Variants in ARMC9 observed in about 807,000 individuals in gnomAD.
ARMC9 encodes lisH domain-containing protein ARMC9.
In ARMC9, 94 loss-of-function variants were observed where a neutral mutation model predicts 107.0. The observed-to-expected ratio is 0.88, with a 90% CI of 0.74 to 1.04. The LOEUF is 1.04. Among genes scored for constraint, ARMC9 ranks in the 50% least tolerant of loss-of-function variants. ARMC9 has a pLI of 0.00. For synonymous variants in ARMC9, 380 were observed against 396.9 expected (o/e 0.96, Z 0.51); for missense variants, 942 against 1,030.1 (o/e 0.91, Z 1.17).
intron 19 of ARMC9, among the ~76,000 whole-genome samples, chr2:231,306,594 T>A (rs1048597494): frequency 2.6e-5 from 4 of 151,974 alleles, no homozygotes; most frequent in Non-Finnish European, 5.9e-5. Context: ...CAAAGTGCAA[T>A]CAGAACTAGC....
chr2:231,300,971 C>T (rs961367346), intron 19 of ARMC9, among the ~76,000 whole-genome samples: 3 of 151,888 alleles, frequency 2.0e-5, no homozygotes, highest in African/African-American at 7.3e-5. Flanking sequence ...TTATCCTTTG[C>T]CTCTCCACTG....
chr2:231,319,220 G>C lies in ARMC9; in HGVS notation c.1774-12573G>C, dbSNP rs1374765770. Among the ~76,000 whole-genome samples the C allele has an allele frequency of 7.9e-5, 12 of 152,140 alleles. No homozygotes were observed. In the East Asian group the frequency reaches 2.3e-3, roughly 29 times the overall value. On this transcript the variant is annotated intron_variant, in intron 19 of 24. Transcript: ENST00000611582. Reference sequence around the variant, plus strand: ...GTGAGGTCAGTAAGTCACTGACTGGGCTGGGCTATTCCTGGGACTTGAACT... The same window carrying C: ...GTGAGGTCAGTAAGTCACTGACTGGCCTGGGCTATTCCTGGGACTTGAACT...
chr2:231,330,850 G>A (rs1481587388), intron 19 of ARMC9, among the ~76,000 whole-genome samples: 8 of 152,050 alleles, frequency 5.3e-5, no homozygotes. Flanking sequence ...AGCAGGCTTT[G>A]GGGGGCTTTT....
intron 19 of ARMC9, among the ~76,000 whole-genome samples, chr2:231,307,796 T>G (rs1473248527): frequency 6.6e-6 from 1 of 152,250 alleles, no homozygotes. Context: ...GCTCCCCTTG[T>G]TATTCAGCCC....
At chr2:231,201,288 A>G (rs1212304595) in intron 1 of ARMC9, among the ~76,000 whole-genome samples, 2 of 152,202 alleles carry the variant, frequency 1.3e-5, no homozygotes, top group African/African-American at 4.8e-5. Flanking sequence ...TTTGAAGCAC[A>G]TGGCAGATGC....
chr2:231,253,615 G>T (rs797011864), intron 9 of ARMC9, among the ~76,000 whole-genome samples: 15 of 152,280 alleles, frequency 9.9e-5, no homozygotes, highest in African/African-American at 3.6e-4. Context: ...AGGCATGTCC[G>T]CTGGGGACCT....
At chr2:231,353,632 C>T (rs1483196131) in intron 21 of ARMC9, among the ~76,000 whole-genome samples, 1 of 151,436 alleles carries the variant, frequency 6.6e-6, no homozygotes, top group Non-Finnish European at 1.5e-5. Flanking sequence ...AGCAGGTTTG[C>T]ACACTCCTCC....
chr2:231,270,442 G>A (rs751038790), intron 12 of ARMC9: 11 of 359,374 alleles, frequency 3.1e-5, no homozygotes, highest in African/African-American at 8.6e-5. Context: ...GCTTTGAGGA[G>A]TGAGTAATGG....
At chr2:231,252,971 A>G (rs2037440289) in intron 9 of ARMC9, among the ~76,000 whole-genome samples, 1 of 151,834 alleles carries the variant, frequency 6.6e-6, no homozygotes, top group Non-Finnish European at 1.5e-5. Flanking sequence ...TTTCAAACTT[A>G]TTTTCTAAAC....
intron 9 of ARMC9, among the ~76,000 whole-genome samples, chr2:231,249,439 A>G (rs533953775): frequency 6.6e-6 from 1 of 151,964 alleles, no homozygotes; most frequent in Non-Finnish European, 1.5e-5. Context: ...TTTGTCTTAG[A>G]AAGTCCCCAT....
chr2:231,242,894 T>C (rs2036427636), intron 9 of ARMC9, among the ~76,000 whole-genome samples: 1 of 152,140 alleles, frequency 6.6e-6, no homozygotes, highest in East Asian at 1.9e-4. Context: ...GCAGATTGCT[T>C]GAGCCCAGGA....
chr2:231,304,362 A>C (rs1421171176), intron 19 of ARMC9, among the ~76,000 whole-genome samples: 1 of 152,126 alleles, frequency 6.6e-6, no homozygotes, highest in Admixed American at 6.5e-5. Flanking sequence ...GATCATTTGG[A>C]AAATATTGGC....
At position 231,267,532 on chromosome 2, in the gene ARMC9, G is replaced by A. The variant is rs534980078; in HGVS notation, c.1120-3450G>A. Among the ~76,000 whole-genome samples, 234 of 152,238 alleles carry A rather than the reference G, an allele frequency of 1.5e-3. 1 individual carries two copies. Among genetic ancestry groups the A allele is most frequent in the African/African-American group, 5.2e-3 (215 of 41,546 alleles). On this transcript the variant is annotated intron_variant, in intron 12 of 24. Transcript: ENST00000611582. ...AGGTGTGAACCACTGCACCCGGCCCGGCAGCAATATTTATGCCTAAGGGCA... is the reference window on the plus strand; with the variant it reads ...AGGTGTGAACCACTGCACCCGGCCCAGCAGCAATATTTATGCCTAAGGGCA...
At chr2:231,349,130 C>T (rs1418558161) in intron 21 of ARMC9, among the ~76,000 whole-genome samples, 2 of 152,204 alleles carry the variant, frequency 1.3e-5, no homozygotes, top group Admixed American at 6.5e-5. Flanking sequence ...TAGCTCTGCA[C>T]CCCATGCTTG....
At position 231,271,030 on chromosome 2, in the gene ARMC9, T is replaced by C. The variant is rs2039283890; in HGVS notation, c.1168T>C (p.Tyr390His). ...CTCCACGAGCGACGTGGTGCGGCAG[T>C]ACATGGCCAGGCTCATCAATGCTTT... ...LHSTSDVVRQ[Y>H]MARLINAFAS... Residue 390 changes from tyrosine to histidine, a missense_variant, in exon 13 of 25, where the codon TAC (tyrosine) becomes CAC (histidine). By Grantham distance (83) the Tyr-to-His change is moderately conservative. Coordinates refer to ENST00000611582, the MANE Select transcript of ARMC9 (RefSeq NM_001352754.2). 1 of 1,614,102 alleles carries C rather than the reference T, an allele frequency of 6.2e-7. No individual in the cohort carries two copies. Among genetic ancestry groups the C allele is most frequent in the African/African-American group, 1.3e-5 (1 of 74,944 alleles).
At chr2:231,205,149 C>T (rs2031767621) in intron 1 of ARMC9, among the ~76,000 whole-genome samples, 3 of 150,706 alleles carry the variant, frequency 2.0e-5, no homozygotes, top group Admixed American at 1.3e-4. Context: ...GGGAGGATTG[C>T]ATTACCCAGG....
chr2:231,294,173 G>A (rs1048424658), intron 18 of ARMC9: 1 of 152,192 alleles, frequency 6.6e-6, no homozygotes, highest in Non-Finnish European at 1.5e-5. Context: ...ATATTTTAGC[G>A]ACCTAACCCC....
At chr2:231,353,980 T>TACACAC (rs35433958) in intron 21 of ARMC9, among the ~76,000 whole-genome samples, 231 of 135,370 alleles carry the variant, frequency 1.7e-3, no homozygotes, top group Non-Finnish European at 1.6e-3. Context: ...TATGTATATA[T>TACACAC]ACACACACAC....
intron 19 of ARMC9, among the ~76,000 whole-genome samples, chr2:231,329,532 C>G (rs553652457): frequency 1.5e-3 from 223 of 152,022 alleles, no homozygotes; most frequent in African/African-American, 5.3e-3. Flanking sequence ...TGGTCTTGAA[C>G]TACTGACCTC....
Sources: allele counts gnomAD v4.1 joint callset (sites outside exome capture counted in the v4.1 genomes callset), GRCh38; gene constraint gnomAD v4.1.1; transcripts MANE v1.5; gene names NCBI Gene and HGNC (gene_info 2026-07-23, HGNC 2026-07-21).